The following CFAP77 variants were observed in gnomAD, a reference collection of about 807,000 sequenced individuals.
The protein encoded by CFAP77 is cilia and flagella associated protein 77, also known as cilia- and flagella-associated protein 77.
CFAP77 carries 25 observed loss-of-function variants against 31.1 expected under a neutral mutation model. That is an observed-to-expected ratio of 0.80 (90% CI 0.59 to 1.12). The LOEUF is 1.12. Ranked by LOEUF, CFAP77 falls within the 50% of genes most tolerant of loss-of-function variation. The pLI, the probability that CFAP77 is intolerant of heterozygous loss-of-function variation, is 0.00. For missense variants in CFAP77, 377 were observed against 397.3 expected (o/e 0.95, Z 0.44); for synonymous variants, 151 against 159.9 (o/e 0.94, Z 0.42).
intron 5 of CFAP77, among the ~76,000 whole-genome samples, chr9:132,556,816 G>T (rs1242019445): frequency 6.6e-6 from 1 of 152,198 alleles, no homozygotes; most frequent in Admixed American, 6.5e-5. Flanking sequence ...AGCCGAGGCC[G>T]CTCCTGGCGC....
At chr9:132,522,901 G>A (rs1031200453) in intron 3 of CFAP77, among the ~76,000 whole-genome samples, 5 of 152,166 alleles carry the variant, frequency 3.3e-5, no homozygotes, top group African/African-American at 4.8e-5. Flanking sequence ...CCTCACCACC[G>A]GCCACGCGGC....
Position 132,498,379 on chromosome 9 carries a change from C to T in CFAP77, c.196-316C>T, listed in dbSNP as rs529620962. ...GAGCCAGCCAGGTCTAGGCTGCACCCCAAACACAGCGGCTCAGCTCGGGGA... is the reference window on the plus strand; with the variant it reads ...GAGCCAGCCAGGTCTAGGCTGCACCTCAAACACAGCGGCTCAGCTCGGGGA... On this transcript the variant is annotated intron_variant, in intron 1 of 5. Coordinates refer to ENST00000393216, the MANE Select transcript of CFAP77 (RefSeq NM_001282957.2). The surrounding 1 kb of genome is among the most constrained non-coding windows in gnomAD (Gnocchi z 4.2). Among the ~76,000 whole-genome samples, 41 of 152,286 alleles carry T rather than the reference C, an allele frequency of 2.7e-4. 1 individual carries two copies. Among genetic ancestry groups the T allele is most frequent in the Admixed American group, 2.5e-3 (38 of 15,300 alleles).
rs145025848 is a variant in CFAP77, at chr9:132,429,994, G to A, written c.195+19528G>A. On this transcript the variant is annotated intron_variant, in intron 1 of 5. Transcript: ENST00000393216. Reference sequence around the variant, plus strand: ...CCAACTGCTTCCAAAGCAGCTCCCCGGATAGTCCACGACTGCTGCCCCAGA... The same window carrying A: ...CCAACTGCTTCCAAAGCAGCTCCCCAGATAGTCCACGACTGCTGCCCCAGA... 1.8e-4 allele frequency among the ~76,000 whole-genome samples: 28 copies of A among 151,734 alleles called. 1 individual carries two copies. Among genetic ancestry groups the A allele is most frequent in the East Asian group, 7.7e-4 (4 of 5,174 alleles).
At chr9:132,529,723 G>C (rs1297562394) in intron 3 of CFAP77, among the ~76,000 whole-genome samples, 5 of 151,642 alleles carry the variant, frequency 3.3e-5, no homozygotes, top group Non-Finnish European at 4.4e-5. Flanking sequence ...CTACTCGGGA[G>C]GCTGACACAG....
chr9:132,486,057 T>G (rs1851545296), intron 1 of CFAP77, among the ~76,000 whole-genome samples: 1 of 25,820 alleles, frequency 3.9e-5, no homozygotes, highest in Non-Finnish European at 5.8e-5. Flanking sequence ...TATATGTATG[T>G]GTGTGTGTGT....
At chr9:132,419,272 C>G (rs1242065373) in intron 1 of CFAP77, among the ~76,000 whole-genome samples, 1 of 149,464 alleles carries the variant, frequency 6.7e-6, no homozygotes, top group Non-Finnish European at 1.5e-5. Context: ...TGTGTTTGTC[C>G]AGAAGAATGA....
At chr9:132,518,702 T>C (rs188018021) in intron 3 of CFAP77, among the ~76,000 whole-genome samples, 1 of 152,302 alleles carries the variant, frequency 6.6e-6, no homozygotes, top group East Asian at 1.9e-4. Flanking sequence ...CTGTTCCCTG[T>C]CTGGAGCTCT....
At chr9:132,432,109 A>G (rs12344080) in intron 1 of CFAP77, among the ~76,000 whole-genome samples, 8,805 of 152,300 alleles carry the variant, frequency 0.058, 798 homozygotes, top group African/African-American at 0.2. Context: ...AACAATTCAA[A>G]TAATCACAGA....
intron 1 of CFAP77, among the ~76,000 whole-genome samples, chr9:132,489,015 G>C (rs1173820385): frequency 1.3e-5 from 2 of 152,306 alleles, no homozygotes; most frequent in East Asian, 3.9e-4. Context: ...CTCGGAAAAA[G>C]GCGGTTTGAA....
chr9:132,463,296 C>T (rs1013599619), intron 1 of CFAP77, among the ~76,000 whole-genome samples: 1 of 152,280 alleles, frequency 6.6e-6, no homozygotes. Context: ...CACATATATA[C>T]AAACATGTTC....
In CFAP77 at chr9:132,497,162, T is replaced by A. The variant is rs1339495754; in HGVS notation, c.196-1533T>A. ...CAACAGGGGGTGCTGTGGGGGAGCCTGGGAGGCAAAGCTGCAGGGCTGGGT... is the reference window on the plus strand; with the variant it reads ...CAACAGGGGGTGCTGTGGGGGAGCCAGGGAGGCAAAGCTGCAGGGCTGGGT... On this transcript the variant is annotated intron_variant, in intron 1 of 5. Transcript: ENST00000393216. The surrounding 1 kb of genome is among the most constrained non-coding windows in gnomAD (Gnocchi z 4.9). 7.1e-6 allele frequency among the ~76,000 whole-genome samples: 1 copy of A among 141,322 alleles called. No individual in the cohort carries two copies. The highest frequency in any genetic ancestry group is 1.5e-5 in the Non-Finnish European group (1 of 65,902). 92.7% of individuals were successfully genotyped at this position (141,322 alleles called of 152,430 possible). A position where few individuals can be genotyped will look rare whatever the true frequency, so the allele number is the denominator to read the frequency against.
intron 1 of CFAP77, among the ~76,000 whole-genome samples, chr9:132,422,283 A>G (rs1850229977): frequency 6.6e-6 from 1 of 152,238 alleles, no homozygotes; most frequent in Admixed American, 6.5e-5. Context: ...TGCTGGGATT[A>G]TAGCTGTGAG....
intron 3 of CFAP77, among the ~76,000 whole-genome samples, chr9:132,530,020 C>T (rs1401892003): frequency 6.6e-6 from 1 of 151,744 alleles, no homozygotes; most frequent in Non-Finnish European, 1.5e-5. Context: ...TCTTCATTTG[C>T]ATTTCTCTAA....
chr9:132,494,432 A>G (rs1365908491), intron 1 of CFAP77, among the ~76,000 whole-genome samples: 1 of 152,180 alleles, frequency 6.6e-6, no homozygotes, highest in Non-Finnish European at 1.5e-5. Context: ...CTGACTGAGG[A>G]CCACTACTGT....
intron 1 of CFAP77, among the ~76,000 whole-genome samples, chr9:132,437,596 G>A (rs556876372): frequency 3.6e-5 from 5 of 137,086 alleles, no homozygotes; most frequent in South Asian, 2.4e-4. Flanking sequence ...TGCAAACTCC[G>A]CCTCCCGGGT....
chr9:132,557,847 T>C (rs181512211), intron 5 of CFAP77, among the ~76,000 whole-genome samples: 1 of 152,270 alleles, frequency 6.6e-6, no homozygotes, highest in East Asian at 1.9e-4. Flanking sequence ...TGAGGTTGCA[T>C]AAAGAGTGAC....
In CFAP77 at chr9:132,458,353, G is replaced by GT. The variant is rs1298205442; in HGVS notation, c.196-40342_196-40341insT. Among the ~76,000 whole-genome samples the GT allele has an allele frequency of 7.7e-3, 899 of 117,200 alleles. 19 individuals carry two copies. The highest frequency in any genetic ancestry group is 0.013 in the Non-Finnish European group (679 of 53,466). 76.9% of individuals were successfully genotyped at this position (117,200 alleles called of 152,430 possible). ...CTTTGTCTCCCTGGCGGGGGAGGGG[G>GT]GGGGGTGTGTATGGAAGGCTCAGCT... is the stretch of plus-strand genomic sequence containing the variant. On this transcript the variant is annotated intron_variant, in intron 1 of 5. Coordinates refer to ENST00000393216, the MANE Select transcript of CFAP77 (RefSeq NM_001282957.2).
chr9:132,452,093 G>A (rs1478443904), intron 1 of CFAP77, among the ~76,000 whole-genome samples: 2 of 152,094 alleles, frequency 1.3e-5, no homozygotes, highest in Non-Finnish European at 1.5e-5. Context: ...GTGAGCCACC[G>A]CACCCAGCCT....
chr9:132,410,293 G>C lies in CFAP77; in HGVS notation c.22G>C (p.Gly8Arg), dbSNP rs1198537618. 6.3e-7 allele frequency: 1 copy of C among 1,585,936 alleles called. No homozygotes were observed. The highest frequency in any genetic ancestry group is 2.4e-5 in the East Asian group (1 of 42,208). Residue 8 changes from glycine to arginine, a missense_variant, in exon 1 of 6, where the codon GGC becomes CGC. Gly to Arg is a moderately radical substitution (Grantham distance 125). Transcript: ENST00000393216. MPEARSS[G>R]PDLTRWRKQQ... ...AAGGATGCCAGAGGCCAGGAGCTCC[G>C]GCCCGGACCTCACGCGATGGAGGAA... is the stretch of plus-strand genomic sequence containing the variant.
Sources: gnomAD v4.1 joint callset for allele counts (sites outside exome capture counted in the v4.1 genomes callset) on GRCh38, gnomAD v4.1.1 for gene constraint, Gnocchi (gnomAD v3.1) non-coding constraint, MANE v1.5 for transcripts, NCBI Gene and HGNC (gene_info 2026-07-23, HGNC 2026-07-21) for gene names.